Variants in XYLB observed in about 807,000 individuals in gnomAD.
XYLB encodes the protein xylulose kinase.
In XYLB, 62 loss-of-function variants were observed where a neutral mutation model predicts 78.7. The ratio of observed to expected loss-of-function variants is 0.79; its 90% CI spans 0.64 to 0.97. XYLB has a LOEUF of 0.97. Among genes scored for constraint, XYLB ranks in the 50% least tolerant of loss-of-function variants. The probability of loss-of-function intolerance (pLI) is 0.00; values close to 1 mark genes in which losing one functional copy is unlikely to be tolerated. For missense variants in XYLB, 687 were observed against 676.8 expected, an observed-to-expected ratio of 1.02 and a Z score of -0.17; for synonymous variants, 245 against 247.4, an observed-to-expected ratio of 0.99 and a Z score of 0.09.
At chr3:38,397,046 C>T (rs753135944) in intron 16 of XYLB, 26 bp from the exon 17 acceptor site, 11 of 1,612,028 alleles carry the variant, frequency 6.8e-6, no homozygotes, top group Non-Finnish European at 9.3e-6. Context: ...TGGCTCACCA[C>T]AGTAGAACCT....
In XYLB at chr3:38,411,693, T is replaced by G. The variant is rs369955639; in HGVS notation, c.1534-1243T>G. Among the ~76,000 whole-genome samples, 8 of 152,194 alleles carry G rather than the reference T, an allele frequency of 5.3e-5. 1 individual carries two copies. In the East Asian group the frequency reaches 1.2e-3, roughly 22 times the overall value. On this transcript the variant is annotated intron_variant, in intron 18 of 18. Coordinates refer to ENST00000207870, the MANE Select transcript of XYLB (RefSeq NM_005108.4). ...CCTATTCTACATGAGAATTTGACCT[T>G]TGGTTAACTTTCTAGCTCTGTTTTC...
Position 38,370,104 on chromosome 3 carries a change from C to T in XYLB, c.695C>T (p.Ala232Val). 1 of 1,614,224 alleles carries T rather than the reference C, an allele frequency of 6.2e-7. No individual in the cohort carries two copies. The highest frequency in any genetic ancestry group is 2.2e-5 in the East Asian group (1 of 44,876). The part of the protein sequence containing the change: ...LQIQDKVWSQ[A>V]CLGACAPHLE... ...ATACAGGATAAAGTCTGGTCCCAGG[C>T]TTGCCTTGGTGCCTGTGCACCTCAT... Residue 232 changes from alanine to valine, a missense_variant, in exon 9 of 19, where the codon GCT becomes GTT. Physicochemically the swap from Ala to Val is moderately conservative, Grantham distance 64. Transcript: ENST00000207870.
intron 18 of XYLB, among the ~76,000 whole-genome samples, chr3:38,408,004 A>G (rs1396026268): frequency 1.5e-4 from 23 of 149,504 alleles, no homozygotes; most frequent in Admixed American, 2.7e-4. Context: ...GGATACCCAG[A>G]AATTGAACTC....
chr3:38,378,113 A>T (rs1305803824), intron 14 of XYLB, among the ~76,000 whole-genome samples: 1 of 152,228 alleles, frequency 6.6e-6, no homozygotes, highest in Non-Finnish European at 1.5e-5. Flanking sequence ...TCAGTGGCAG[A>T]TGATGGCACT....
intron 2 of XYLB, among the ~76,000 whole-genome samples, chr3:38,359,659 C>T (rs1315985136): frequency 6.6e-6 from 1 of 152,194 alleles, no homozygotes; most frequent in Non-Finnish European, 1.5e-5. Flanking sequence ...GGGTTGACTC[C>T]AGTTAATTAT....
chr3:38,420,043 C>T (rs987122063), exon 18 of XYLB, among the ~76,000 whole-genome samples: 16 of 152,108 alleles, frequency 1.1e-4, no homozygotes, highest in African/African-American at 3.6e-4. Flanking sequence ...TGGTCTCAAT[C>T]CCCCAACCTT....
chr3:38,350,009 C>T (rs1705275535), intron 2 of XYLB, among the ~76,000 whole-genome samples: 3 of 152,204 alleles, frequency 2.0e-5, no homozygotes, highest in Admixed American at 2.0e-4. Context: ...GTTAGGATTT[C>T]AGCATATGAG....
At chr3:38,439,829 G>A in the XYLB span, among the ~76,000 whole-genome samples, 1 of 152,148 alleles carries the variant, frequency 6.6e-6, no homozygotes, top group Non-Finnish European at 1.5e-5. Flanking sequence ...ACGCTGGGCG[G>A]CATCTCGTAC....
At chr3:38,375,314 C>G in intron 12 of XYLB, 55 bp downstream of exon 12, 1 of 1,493,968 alleles carries the variant, frequency 6.7e-7, no homozygotes, top group Middle Eastern at 1.7e-4. Context: ...GTGGGCAGGT[C>G]TGGCACCATC....
intron 18 of XYLB, among the ~76,000 whole-genome samples, chr3:38,412,237 C>T (rs559705427): frequency 8.5e-5 from 13 of 152,250 alleles, no homozygotes; most frequent in African/African-American, 2.2e-4. Context: ...GTGATCCACC[C>T]GCCTTGGCCT....
At chr3:38,449,804 A>C in the XYLB span, among the ~76,000 whole-genome samples, 1 of 152,134 alleles carries the variant, frequency 6.6e-6, no homozygotes, top group South Asian at 2.1e-4. Context: ...GAAAGATATA[A>C]ATTTTGTTAT....
chr3:38,419,809 G>A (rs1403089688), downstream of XYLB, among the ~76,000 whole-genome samples: 1 of 151,114 alleles, frequency 6.6e-6, no homozygotes, highest in Admixed American at 6.6e-5. Context: ...GGAATTATTT[G>A]TTGCTAACAT....
At chr3:38,372,343 G>A (rs1303941228) in intron 9 of XYLB, 1 of 977,954 alleles carries the variant, frequency 1.0e-6, no homozygotes, top group Non-Finnish European at 1.2e-6. Context: ...CCAGAATTTG[G>A]AGCTTATAAA....
At chr3:38,349,045 C>T (rs569515147) in intron 2 of XYLB, among the ~76,000 whole-genome samples, 9 of 152,310 alleles carry the variant, frequency 5.9e-5, no homozygotes, top group Non-Finnish European at 1.0e-4. Context: ...AGGAATGTGA[C>T]TCAGACTTGG....
rs372615873 is a variant in XYLB at position 38,382,014 on chromosome 3, C to T, written c.1291+2672C>T. ...GGTTTTTGTGGCTTGTGGGGCATCA[C>T]GGATCCTACCAACGTGGGATGTCTC... On this transcript the variant is annotated intron_variant, in intron 15 of 18. Coordinates refer to ENST00000207870, the MANE Select transcript of XYLB (RefSeq NM_005108.4). Among the ~76,000 whole-genome samples, 146 of 152,294 alleles carry T rather than the reference C, an allele frequency of 9.6e-4. 1 individual carries two copies. Among genetic ancestry groups the T allele is most frequent in the African/African-American group, 3.3e-3 (136 of 41,556 alleles).
At chr3:38,416,537 CAG>C (rs1708800889), downstream of XYLB, among the ~76,000 whole-genome samples, 1 of 152,028 alleles carries the variant, frequency 6.6e-6, no homozygotes, top group African/African-American at 2.4e-5. Context: ...AAAGGAATAT[CAG>C]ATTGGCTTAC....
At chr3:38,398,116 C>A (rs1707962905) in intron 17 of XYLB, among the ~76,000 whole-genome samples, 1 of 151,774 alleles carries the variant, frequency 6.6e-6, no homozygotes, top group East Asian at 2.0e-4. Context: ...CCGCACCCGG[C>A]CTAAGCTTAT....
rs746895975 is a variant in XYLB, at chr3:38,360,416, C to T, written c.210+8C>T. ...GTACTAATGTGGGTCCAGGTAAGCG[C>T]AGGGATTCCTATTCTCCTTCTATCC... On this transcript the variant is annotated splice_region_variant and intron_variant, in intron 3 of 18. Coordinates refer to ENST00000207870, the MANE Select transcript of XYLB (RefSeq NM_005108.4). 6 of 1,581,946 alleles carry T rather than the reference C, an allele frequency of 3.8e-6. No individual in the cohort carries two copies. In the African/African-American group the frequency reaches 5.4e-5, roughly 14 times the overall value.
chr3:38,389,541 C>T (rs1707556963), intron 15 of XYLB, among the ~76,000 whole-genome samples: 1 of 151,732 alleles, frequency 6.6e-6, no homozygotes, highest in African/African-American at 2.4e-5. Context: ...GCACCCCCCA[C>T]CTCCCTCCCA....
Sources: allele counts gnomAD v4.1 joint callset (sites outside exome capture counted in the v4.1 genomes callset), GRCh38; gene constraint gnomAD v4.1.1; transcripts MANE v1.5; gene names NCBI Gene and HGNC (gene_info 2026-07-23, HGNC 2026-07-21).